The following CRADD variants were observed in gnomAD, a reference collection of about 807,000 sequenced individuals.
The protein encoded by CRADD is CARD and death domain containing adaptor protein.
In CRADD, 9 loss-of-function variants were observed where a neutral mutation model predicts 15.5. That is an observed-to-expected ratio of 0.58 (90% CI 0.35 to 1.01). The LOEUF is 1.01. Among genes scored for constraint, CRADD ranks in the 50% least tolerant of loss-of-function variants. The pLI is 0.02. For missense variants in CRADD, 227 were observed against 250.3 expected (o/e 0.91, Z 0.63); for synonymous variants, 118 against 107.6 (o/e 1.10, Z -0.60).
chr12:93,766,609 C>G lies in CRADD; in HGVS notation c.299-83361C>G, dbSNP rs533382040. Among the ~76,000 whole-genome samples the G allele has an allele frequency of 2.6e-5, 4 of 152,330 alleles. No individual in the cohort carries two copies. The East Asian group carries it at 7.7e-4, about 29-fold the overall frequency. ...TTGGCAGTGCTCCTAATGCTTTTCT[C>G]TAGCTTTCATTTGACCTTCAGTAGA... On this transcript the variant is annotated intron_variant, in intron 2 of 2. Transcript: ENST00000332896.
chr12:93,764,903 T>C (rs1957010583), intron 2 of CRADD, among the ~76,000 whole-genome samples: 1 of 152,036 alleles, frequency 6.6e-6, no homozygotes, highest in Non-Finnish European at 1.5e-5. Flanking sequence ...ATCCTCTTTA[T>C]ATAAATGAAA....
chr12:93,705,417 A>G (rs530089769), intron 2 of CRADD, among the ~76,000 whole-genome samples: 1 of 152,356 alleles, frequency 6.6e-6, no homozygotes, highest in East Asian at 1.9e-4. Context: ...GATGGGAAAG[A>G]TAAGTTTTCT....
intron 2 of CRADD, among the ~76,000 whole-genome samples, chr12:93,814,050 C>T (rs997007489): frequency 3.3e-5 from 5 of 152,126 alleles, no homozygotes; most frequent in East Asian, 1.9e-4. Flanking sequence ...GATGGTTGTC[C>T]GAGTCCAGTG....
chr12:93,784,293 C>G (rs1319479490), intron 2 of CRADD, among the ~76,000 whole-genome samples: 1 of 152,128 alleles, frequency 6.6e-6, no homozygotes, highest in Non-Finnish European at 1.5e-5. Flanking sequence ...CTGATATTTA[C>G]TAAGTTTTAT....
intron 2 of CRADD, among the ~76,000 whole-genome samples, chr12:93,838,200 GT>G: frequency 7.3e-6 from 1 of 137,914 alleles, no homozygotes; most frequent in East Asian, 2.2e-4. Context: ...GTTCTAATTA[GT>G]TTTCCTTTTG....
At chr12:93,705,859 CTTTT>C (rs1955937701) in intron 2 of CRADD, among the ~76,000 whole-genome samples, 1 of 152,180 alleles carries the variant, frequency 6.6e-6, no homozygotes, top group African/African-American at 2.4e-5. Flanking sequence ...TCTACTTTTG[CTTTT>C]TAAGCAGTTT....
chr12:93,823,549 T>A (rs958745264), intron 2 of CRADD, among the ~76,000 whole-genome samples: 3 of 152,258 alleles, frequency 2.0e-5, no homozygotes, highest in Admixed American at 6.5e-5. Flanking sequence ...TTTCTTTTTC[T>A]TTTAAGAATT....
chr12:93,887,585 C>A (rs918987697), intron 2 of CRADD, among the ~76,000 whole-genome samples: 1 of 152,182 alleles, frequency 6.6e-6, no homozygotes, highest in Non-Finnish European at 1.5e-5. Flanking sequence ...TGTTAATAGT[C>A]GGTTCTTGGT....
chr12:93,838,072 G>A (rs1957995280), intron 2 of CRADD: 2 of 152,076 alleles, frequency 1.3e-5, no homozygotes, highest in African/African-American at 2.4e-5. Context: ...TCTTTGGAGT[G>A]GGTTTCACTT....
chr12:93,814,245 A>G (rs1043222947), intron 2 of CRADD, among the ~76,000 whole-genome samples: 1 of 152,074 alleles, frequency 6.6e-6, no homozygotes, highest in Non-Finnish European at 1.5e-5. Context: ...TATGTCCGCT[A>G]TGGGGCAAGG....
chr12:93,810,320 G>A (rs1453210214), intron 2 of CRADD, among the ~76,000 whole-genome samples: 3 of 151,932 alleles, frequency 2.0e-5, no homozygotes, highest in East Asian at 1.9e-4. Context: ...AGACCGAGGC[G>A]GGCGGATCAC....
chr12:93,888,442 A>T (rs1958553785), intron 2 of CRADD, among the ~76,000 whole-genome samples: 1 of 143,282 alleles, frequency 7.0e-6, no homozygotes, highest in African/African-American at 2.6e-5. Context: ...AAAAAAAAAG[A>T]TAGAGATGGC....
intron 2 of CRADD, among the ~76,000 whole-genome samples, chr12:93,879,955 C>T (rs1958484345): frequency 6.6e-6 from 1 of 152,192 alleles, no homozygotes; most frequent in Admixed American, 6.5e-5. Flanking sequence ...ACAGTAATAT[C>T]AAACACCTAC....
At chr12:93,770,096 C>CTTT (rs34791279) in intron 2 of CRADD, among the ~76,000 whole-genome samples, 5,122 of 129,882 alleles carry the variant, frequency 0.039, 356 homozygotes, top group African/African-American at 0.11. Flanking sequence ...CCTATGTTAT[C>CTTT]TTTTTTTTTT....
intron 2 of CRADD, among the ~76,000 whole-genome samples, chr12:93,808,284 G>A (rs1381989559): frequency 6.6e-6 from 1 of 152,084 alleles, no homozygotes; most frequent in Non-Finnish European, 1.5e-5. Context: ...TGGCTGGGGA[G>A]GCCTCACAAT....
chr12:93,705,754 C>T (rs565559379), intron 2 of CRADD, among the ~76,000 whole-genome samples: 1 of 152,310 alleles, frequency 6.6e-6, no homozygotes, highest in African/African-American at 2.4e-5. Context: ...GATTTATATC[C>T]TCAGCTTCAT....
intron 2 of CRADD, among the ~76,000 whole-genome samples, chr12:93,725,561 T>C (rs973409479): frequency 2.8e-4 from 42 of 151,868 alleles, no homozygotes; most frequent in African/African-American, 9.5e-4. Flanking sequence ...GGTGGTGGTG[T>C]GTGATGATAT....
At chr12:93,724,841 CTT>C (rs898962499) in intron 2 of CRADD, among the ~76,000 whole-genome samples, 8 of 151,164 alleles carry the variant, frequency 5.3e-5, no homozygotes, top group Non-Finnish European at 7.4e-5. Context: ...AAAGAACAGA[CTT>C]ATTATTATTA....
chr12:93,868,582 A>T (rs1958391013), intron 2 of CRADD, among the ~76,000 whole-genome samples: 1 of 152,120 alleles, frequency 6.6e-6, no homozygotes, highest in African/African-American at 2.4e-5. Context: ...ATGTTTAAAA[A>T]ATATAAAGGC....
Sources: gnomAD v4.1 joint callset for allele counts (sites outside exome capture counted in the v4.1 genomes callset) on GRCh38, gnomAD v4.1.1 for gene constraint, MANE v1.5 for transcripts, NCBI Gene and HGNC (gene_info 2026-07-23, HGNC 2026-07-21) for gene names.